The following PDS5A variants were observed in gnomAD, a reference collection of about 807,000 sequenced individuals.
PDS5A encodes sister chromatid cohesion protein PDS5 homolog A.
Under a neutral mutation model 167.1 loss-of-function variants are expected in PDS5A, and 42 were observed. The ratio of observed to expected loss-of-function variants is 0.25; its 90% confidence interval spans 0.20 to 0.33. The LOEUF (loss-of-function observed/expected upper bound fraction) is 0.33, where lower values mean the gene tolerates loss of function less well. Among genes scored for constraint, PDS5A ranks in the 10% least tolerant of loss-of-function variants. The probability of loss-of-function intolerance (pLI) is 1.00; values close to 1 mark genes in which losing one functional copy is unlikely to be tolerated. For synonymous variants in PDS5A, 553 were observed against 554.6 expected, an observed-to-expected ratio of 1.00 and a Z score of 0.04; for missense variants, 1,033 against 1,605.9, an observed-to-expected ratio of 0.64 and a Z score of 6.10.
At chr4:39,946,643 G>A (rs548256778) in intron 2 of PDS5A, among the ~76,000 whole-genome samples, 1 of 152,288 alleles carries the variant, frequency 6.6e-6, no homozygotes, top group African/African-American at 2.4e-5. Context: ...GGCCAGGCGT[G>A]GTGGCTCATG....
chr4:39,934,605 C>CT (rs955582839), intron 2 of PDS5A, among the ~76,000 whole-genome samples: 38 of 109,194 alleles, frequency 3.5e-4, no homozygotes, highest in African/African-American at 1.0e-3. Flanking sequence ...CTTAGTATTT[C>CT]TTTTTTTTTC....
chr4:39,861,046 A>G (rs970457845), intron 26 of PDS5A, among the ~76,000 whole-genome samples: 3 of 151,746 alleles, frequency 2.0e-5, no homozygotes, highest in African/African-American at 7.3e-5. Flanking sequence ...CCCGGGGGAT[A>G]GAGTAAGAAC....
chr4:39,908,606 C>A, intron 10 of PDS5A, 66 bp from the exon 11 acceptor site: 10 of 975,912 alleles, frequency 1.0e-5, no homozygotes, highest in Non-Finnish European at 1.6e-5. Flanking sequence ...TTTAGAATGG[C>A]AAGAACAGAA....
intron 2 of PDS5A, among the ~76,000 whole-genome samples, chr4:39,952,989 A>T (rs547907704): frequency 6.6e-6 from 1 of 152,198 alleles, no homozygotes; most frequent in Non-Finnish European, 1.5e-5. Context: ...TTGGCCTCCC[A>T]AAGTGCTGGG....
At chr4:39,940,510 T>C (rs1010846460) in intron 2 of PDS5A, among the ~76,000 whole-genome samples, 2 of 152,182 alleles carry the variant, frequency 1.3e-5, no homozygotes, top group African/African-American at 4.8e-5. Flanking sequence ...GAATTTTAGA[T>C]ACATAAGAAT....
chr4:39,889,523 T>G (rs1167592841), intron 17 of PDS5A, among the ~76,000 whole-genome samples: 1 of 152,194 alleles, frequency 6.6e-6, no homozygotes, highest in Non-Finnish European at 1.5e-5. Context: ...AACCAACAAG[T>G]GCTGCATAGT....
chr4:39,895,526 G>T lies in PDS5A; in HGVS notation c.1770+2863C>A, dbSNP rs185191206. 2.6e-5 allele frequency among the ~76,000 whole-genome samples: 4 copies of T among 152,302 alleles called. No homozygotes were observed. In the East Asian group the frequency reaches 7.7e-4, roughly 29 times the overall value. Reference sequence around the variant, plus strand: ...AATGAAGCTTACAGGACTGCAAGTTGATCTGGGTAAGTCAGTGAGTAAGTG... The same window carrying T: ...AATGAAGCTTACAGGACTGCAAGTTTATCTGGGTAAGTCAGTGAGTAAGTG... On this transcript the variant is annotated intron_variant, in intron 16 of 32. Coordinates refer to ENST00000303538, the MANE Select transcript of PDS5A (RefSeq NM_001100399.2).
At chr4:39,943,207 G>C (rs926287643) in intron 2 of PDS5A, among the ~76,000 whole-genome samples, 1 of 149,686 alleles carries the variant, frequency 6.7e-6, no homozygotes, top group Non-Finnish European at 1.5e-5. Context: ...ACAATACTAA[G>C]TACTATTAAT....
At position 39,971,311 on chromosome 4, in the gene PDS5A, C is replaced by T. The variant is rs559618371; in HGVS notation, c.138+5129G>A. 1.1e-4 allele frequency among the ~76,000 whole-genome samples: 16 copies of T among 152,072 alleles called. No individual in the cohort carries two copies. In the South Asian group the frequency reaches 1.7e-3, roughly 16 times the overall value. ...GCTGGGACTACAGGCCCCGCCACCA[C>T]GCCTGGATAATTTTTTTGTATTTTT... is the stretch of plus-strand genomic sequence containing the variant. On this transcript the variant is annotated intron_variant, in intron 2 of 32. Transcript: ENST00000303538.
At chr4:39,838,239 C>A (rs1429612873) in intron 31 of PDS5A, 31 bp from the exon 32 acceptor site, 3 of 1,369,476 alleles carry the variant, frequency 2.2e-6, no homozygotes, top group African/African-American at 1.5e-5. Flanking sequence ...TCTATAAACA[C>A]AAATTCCTTA....
At chr4:39,962,215 G>A (rs1010440632) in intron 2 of PDS5A, among the ~76,000 whole-genome samples, 2 of 151,984 alleles carry the variant, frequency 1.3e-5, no homozygotes, top group Non-Finnish European at 2.9e-5. Flanking sequence ...AGTCCGCCAC[G>A]CTCGACTAAT....
intron 11 of PDS5A, among the ~76,000 whole-genome samples, chr4:39,907,298 C>T (rs911258627): frequency 2.0e-5 from 3 of 152,240 alleles, no homozygotes; most frequent in Admixed American, 2.0e-4. Context: ...CATCTGGCTC[C>T]TGTGACAATT....
At chr4:39,844,606 TA>T (rs765761852) in intron 30 of PDS5A, 49 bp downstream of exon 30, 2 of 1,473,502 alleles carry the variant, frequency 1.4e-6, no homozygotes, top group South Asian at 1.3e-5. Context: ...GAATAAAAGA[TA>T]AACCAAGTAG....
intron 3 of PDS5A, 145 bp downstream of exon 3, chr4:39,927,816 A>G (rs1433248891): frequency 9.8e-6 from 6 of 615,206 alleles, no homozygotes; most frequent in Non-Finnish European, 1.7e-5. Context: ...AACTGAATGA[A>G]TAATTTTGCA....
At chr4:39,891,757 A>C (rs957724156) in intron 16 of PDS5A, among the ~76,000 whole-genome samples, 1 of 152,158 alleles carries the variant, frequency 6.6e-6, no homozygotes, top group Non-Finnish European at 1.5e-5. Flanking sequence ...CACCCTTAGA[A>C]TTTTATTTAT....
intron 2 of PDS5A, among the ~76,000 whole-genome samples, chr4:39,966,176 T>C (rs1486626175): frequency 6.6e-6 from 1 of 152,170 alleles, no homozygotes; most frequent in African/African-American, 2.4e-5. Context: ...AATACAAATA[T>C]TAAAACATAT....
chr4:39,873,199 T>A, intron 20 of PDS5A, 55 bp from the exon 21 acceptor site: 2 of 1,123,992 alleles, frequency 1.8e-6, no homozygotes, highest in South Asian at 2.3e-5. Flanking sequence ...ATCTAGACAC[T>A]CTACTGAAAC....
At chr4:39,950,107 A>C (rs940834394) in intron 2 of PDS5A, among the ~76,000 whole-genome samples, 1 of 151,986 alleles carries the variant, frequency 6.6e-6, no homozygotes, top group Non-Finnish European at 1.5e-5. Flanking sequence ...GGGTTTCTCC[A>C]TGTTGGTCAG....
At chr4:39,850,161 A>C (rs1482670380) in intron 26 of PDS5A, among the ~76,000 whole-genome samples, 1 of 151,604 alleles carries the variant, frequency 6.6e-6, no homozygotes, top group Non-Finnish European at 1.5e-5. Context: ...AGTCCCGGCT[A>C]CTCGGGAGGC....
Sources: allele counts gnomAD v4.1 joint callset (sites outside exome capture counted in the v4.1 genomes callset), GRCh38; gene constraint gnomAD v4.1.1; transcripts MANE v1.5; gene names NCBI Gene and HGNC (gene_info 2026-07-23, HGNC 2026-07-21).